Variants in THAP12 observed in about 807,000 individuals in gnomAD.
The protein encoded by THAP12 is THAP domain containing 12, also known as 52 kDa repressor of the inhibitor of the protein kinase.
A neutral mutation model predicts 63.0 loss-of-function variants in THAP12; 20 were observed. The ratio of observed to expected loss-of-function variants is 0.32; its 90% CI spans 0.22 to 0.46. The LOEUF is 0.46. Ranked by LOEUF, THAP12 falls within the 20% of genes least tolerant of loss-of-function variation. The pLI is 1.00. For missense variants in THAP12, 568 were observed against 908.2 expected, an observed-to-expected ratio of 0.63 and a Z score of 4.81; for synonymous variants, 264 against 328.4, an observed-to-expected ratio of 0.80 and a Z score of 2.12.
Position 76,352,217 on chromosome 11 carries a change from G to A in THAP12, c.933C>T (p.His311=). ...ADAEILAVKF[H]TMITEKWGLN... is the part of the protein sequence containing the mutation. Reference sequence around the variant, plus strand: ...ATCCCCACTTCTCAGTTATCATAGTGTGAAATTTCACAGCCAAAATTTCTG... The same window carrying A: ...ATCCCCACTTCTCAGTTATCATAGTATGAAATTTCACAGCCAAAATTTCTG... The change falls in exon 5 of 5, where the codon CAC becomes CAT. Residue 311 remains histidine, a synonymous_variant. Coordinates refer to ENST00000260045, the MANE Select transcript of THAP12 (RefSeq NM_004705.4). 1 of 1,611,554 alleles carries A rather than the reference G, an allele frequency of 6.2e-7. No homozygotes were observed. The highest frequency in any genetic ancestry group is 2.2e-5 in the East Asian group (1 of 44,866).
intron 4 of THAP12, among the ~76,000 whole-genome samples, chr11:76,355,090 G>T (rs1946552239): frequency 1.3e-5 from 2 of 152,224 alleles, no homozygotes; most frequent in South Asian, 4.1e-4. Flanking sequence ...GGAAGAAACA[G>T]AGGAGGAGGA....
rs905447126 is a variant in THAP12 at position 76,381,099 on chromosome 11, C to A, written c.-263G>T. 8 of 184,180 alleles carry A rather than the reference C, an allele frequency of 4.3e-5. No individual in the cohort carries two copies. The highest frequency in any genetic ancestry group is 3.9e-4 in the South Asian group (2 of 5,110). The allele number at this position is 184,180 out of a possible 1,614,324, so 11.4% of individuals were successfully genotyped here. ...CGCCGCCGCTGGTGCACCTCCCGCC[C>A]GCCCGAGACGCTGCCGCCTCCTTCC... is the stretch of plus-strand genomic sequence containing the variant. On this transcript the variant is annotated 5_prime_UTR_variant, in exon 1 of 5. Coordinates refer to ENST00000260045, the MANE Select transcript of THAP12 (RefSeq NM_004705.4).
At chr11:76,377,835 C>T (rs1315457522) in intron 1 of THAP12, among the ~76,000 whole-genome samples, 1 of 152,164 alleles carries the variant, frequency 6.6e-6, no homozygotes, top group Non-Finnish European at 1.5e-5. Context: ...TCTCTAATAA[C>T]GAGTGATGCT....
At chr11:76,354,179 A>C (rs1410145146) in intron 4 of THAP12, among the ~76,000 whole-genome samples, 1 of 152,238 alleles carries the variant, frequency 6.6e-6, no homozygotes, top group Non-Finnish European at 1.5e-5. Flanking sequence ...CCAAGTACAA[A>C]GGGAAATCTA....
chr11:76,379,307 T>A (rs1013230272), intron 1 of THAP12, among the ~76,000 whole-genome samples: 4 of 152,314 alleles, frequency 2.6e-5, no homozygotes, highest in African/African-American at 7.2e-5. Context: ...GGCTTTCACC[T>A]TTGCCTCCCC....
At chr11:76,376,811 G>A (rs560335580) in intron 1 of THAP12, among the ~76,000 whole-genome samples, 4 of 152,168 alleles carry the variant, frequency 2.6e-5, no homozygotes, top group African/African-American at 9.6e-5. Flanking sequence ...CTTAAGGAGT[G>A]TAGTCAAAAC....
rs551272755 is a variant in THAP12, at chr11:76,355,676, GA to G, written c.319-23del. 1,071 of 1,552,486 alleles carry G rather than the reference GA, an allele frequency of 6.9e-4. 16 individuals are homozygous for G. In the Admixed American group the frequency reaches 0.02, roughly 29 times the overall value. The stretch of plus-strand genomic sequence containing the variant: ...CACTCTAAATGTCAAGAAAAAAAAA[GA>G]AAAAAACAAATCATCTTTAAAAAAC... On this transcript the variant is annotated intron_variant, in intron 3 of 4. Transcript: ENST00000260045.
At chr11:76,373,301 G>A (rs1435624765) in intron 1 of THAP12, among the ~76,000 whole-genome samples, 4 of 149,320 alleles carry the variant, frequency 2.7e-5, no homozygotes, top group African/African-American at 5.0e-5. Flanking sequence ...ACTGGAGATC[G>A]TGTCATTGCA....
intron 4 of THAP12, among the ~76,000 whole-genome samples, chr11:76,355,194 AC>A (rs1381535925): frequency 2.6e-5 from 4 of 152,256 alleles, no homozygotes; most frequent in Non-Finnish European, 4.4e-5. Context: ...GGCTGTTGTG[AC>A]CACTACTCAC....
chr11:76,368,365 A>G (rs1350428549), intron 1 of THAP12, among the ~76,000 whole-genome samples: 1 of 152,230 alleles, frequency 6.6e-6, no homozygotes, highest in Non-Finnish European at 1.5e-5. Flanking sequence ...AAAGATGTCA[A>G]TTCTCCCCAA....
chr11:76,352,224 T>A lies in THAP12; in HGVS notation c.926A>T (p.Lys309Ile). Residue 309 changes from lysine to isoleucine, a missense_variant, in exon 5 of 5, where the codon AAA becomes ATA. Lys to Ile is a moderately radical substitution (Grantham distance 102). Transcript: ENST00000260045. ...YEADAEILAV[K>I]FHTMITEKWG... is the part of the protein sequence containing the mutation. ...CTTCTCAGTTATCATAGTGTGAAAT[T>A]TCACAGCCAAAATTTCTGCATCGGC... The A allele has an allele frequency of 6.2e-7, 1 of 1,611,670 alleles. No homozygotes were observed. Among genetic ancestry groups the A allele is most frequent in the Non-Finnish European group, 8.5e-7 (1 of 1,179,718 alleles).
Position 76,352,032 on chromosome 11 carries a change from G to A in THAP12, c.1118C>T (p.Pro373Leu). Reference sequence around the variant, plus strand: ...TAATGCAACAGATACTCCCATAACAGGTACTGATTTTGCCAACCACATATT... The same window carrying A: ...TAATGCAACAGATACTCCCATAACAAGTACTGATTTTGCCAACCACATATT... ...ALNMWLAKSVPVMGVSVALGT... is the reference protein window; with the variant it reads ...ALNMWLAKSVLVMGVSVALGT... The change falls in exon 5 of 5, where the codon CCT (proline) becomes CTT (leucine). Residue 373 changes from proline to leucine, a missense_variant. Physicochemically the swap from Pro to Leu is moderately conservative, Grantham distance 98 (BLOSUM62 -3). Coordinates refer to ENST00000260045, the MANE Select transcript of THAP12 (RefSeq NM_004705.4). 1 of 1,611,284 alleles carries A rather than the reference G, an allele frequency of 6.2e-7. No homozygotes were observed. Among genetic ancestry groups the A allele is most frequent in the Non-Finnish European group, 8.5e-7 (1 of 1,179,326 alleles).
At chr11:76,376,244 C>T (rs187379316) in intron 1 of THAP12, among the ~76,000 whole-genome samples, 2 of 152,068 alleles carry the variant, frequency 1.3e-5, no homozygotes, top group East Asian at 3.9e-4. Context: ...ATGTATATAC[C>T]CCAAATCGTA....
Position 76,365,983 on chromosome 11 carries a change from A to G in THAP12, c.90-11T>C. ...ACCCACTTCTGGCATCTATAAATAAAACCAAAATACAATTATGAAAATGAG... is the reference window on the plus strand; with the variant it reads ...ACCCACTTCTGGCATCTATAAATAAGACCAAAATACAATTATGAAAATGAG... On this transcript the variant is annotated splice_polypyrimidine_tract_variant and intron_variant, in intron 1 of 4. Coordinates refer to ENST00000260045, the MANE Select transcript of THAP12 (RefSeq NM_004705.4). 6.2e-7 allele frequency: 1 copy of G among 1,608,558 alleles called. No homozygotes were observed. Among genetic ancestry groups the G allele is most frequent in the African/African-American group, 1.3e-5 (1 of 74,568 alleles).
At chr11:76,367,854 T>C (rs1946642712) in intron 1 of THAP12, among the ~76,000 whole-genome samples, 1 of 151,936 alleles carries the variant, frequency 6.6e-6, no homozygotes, top group South Asian at 2.1e-4. Flanking sequence ...CAAGGTAAAA[T>C]GCTATGATTT....
Position 76,351,183 on chromosome 11 carries a change from A to G in THAP12, c.1967T>C (p.Ile656Thr), listed in dbSNP as rs543231283. ...RIKWKHRGKD[I>T]ELPSTIYEAL... ...TTCATAGATGGTGGACGGAAGCTCT[A>G]TATCTTTCCCCCTGTGTTTCCATTT... Residue 656 changes from isoleucine (I) to threonine (T), a missense_variant, in exon 5 of 5, where the codon ATA (isoleucine) becomes ACA (threonine). By Grantham distance (89) the Ile-to-Thr change is moderately conservative (BLOSUM62 -1). Coordinates refer to ENST00000260045, the MANE Select transcript of THAP12 (RefSeq NM_004705.4). 48 of 1,575,056 alleles carry G rather than the reference A, an allele frequency of 3.0e-5. No individual in the cohort carries two copies. The highest frequency in any genetic ancestry group is 1.6e-4 in the East Asian group (7 of 44,540).
At chr11:76,380,349 C>T (rs762052603) in intron 1 of THAP12, among the ~76,000 whole-genome samples, 18 of 152,174 alleles carry the variant, frequency 1.2e-4, no homozygotes, top group Non-Finnish European at 2.4e-4. Context: ...AGGGAAAGGC[C>T]CCAGTGGCCA....
chr11:76,372,861 T>C (rs966539115), intron 1 of THAP12, among the ~76,000 whole-genome samples: 1 of 152,058 alleles, frequency 6.6e-6, no homozygotes, highest in African/African-American at 2.4e-5. Context: ...CACTCCAGCC[T>C]GGGTGACAGA....
chr11:76,375,499 A>T (rs536594929), intron 1 of THAP12, among the ~76,000 whole-genome samples: 134 of 152,156 alleles, frequency 8.8e-4, no homozygotes, highest in Non-Finnish European at 1.6e-3. Flanking sequence ...AAACAATAAG[A>T]ACTATTATGG....
Sources: allele counts gnomAD v4.1 joint callset (sites outside exome capture counted in the v4.1 genomes callset), GRCh38; gene constraint gnomAD v4.1.1; transcripts MANE v1.5; gene names NCBI Gene and HGNC (gene_info 2026-07-23, HGNC 2026-07-21).